Variants in NWD2 observed in about 807,000 individuals in gnomAD.
NWD2 encodes the protein NACHT and WD repeat domain-containing protein 2.
In NWD2, 37 loss-of-function variants were observed where a neutral mutation model predicts 132.7. That is an observed-to-expected ratio of 0.28 (90% CI 0.21 to 0.37). The LOEUF (loss-of-function observed/expected upper bound fraction) is 0.37, where lower values mean the gene tolerates loss of function less well. Ranked by LOEUF, NWD2 falls within the 10% of genes least tolerant of loss-of-function variation. The pLI, the probability that NWD2 is intolerant of heterozygous loss-of-function variation, is 1.00. For missense variants in NWD2, 1,592 were observed against 2,122.4 expected, an observed-to-expected ratio of 0.75 and a Z score of 4.91; for synonymous variants, 705 against 803.0, an observed-to-expected ratio of 0.88 and a Z score of 2.06.
intron 2 of NWD2, among the ~76,000 whole-genome samples, chr4:37,343,278 C>A (rs1215340136): frequency 6.6e-6 from 1 of 152,176 alleles, no homozygotes; most frequent in Non-Finnish European, 1.5e-5. Flanking sequence ...ACTGTATTGA[C>A]CTTAGAAAGC....
chr4:37,306,562 A>G (rs1462778729), intron 1 of NWD2, among the ~76,000 whole-genome samples: 2 of 152,116 alleles, frequency 1.3e-5, no homozygotes, highest in African/African-American at 4.8e-5. Context: ...TCCTTTACCC[A>G]TTCAGGAGCA....
intron 3 of NWD2, among the ~76,000 whole-genome samples, chr4:37,393,526 A>G (rs17421729): frequency 0.15 from 23,344 of 152,238 alleles, 2,275 homozygotes; most frequent in Non-Finnish European, 0.2. Flanking sequence ...AAGATGGTCC[A>G]GACATACTAG....
At chr4:37,422,702 T>A (rs17421931) in intron 3 of NWD2, among the ~76,000 whole-genome samples, 3,688 of 152,330 alleles carry the variant, frequency 0.024, 58 homozygotes, top group Middle Eastern at 0.058. Context: ...TTGATTCTCA[T>A]GATGCACCAG....
chr4:37,444,397 G>A lies in NWD2; in HGVS notation c.2409G>A (p.Gln803=). 6.4e-7 allele frequency: 1 copy of A among 1,552,166 alleles called. No homozygotes were observed. Among genetic ancestry groups the A allele is most frequent in the Non-Finnish European group, 8.7e-7 (1 of 1,147,118 alleles). Residue 803 remains glutamine, a synonymous_variant, in exon 7 of 7, where the codon CAG becomes CAA. Transcript: ENST00000309447. This position sits in a 1 kb window ranked among gnomAD's most constrained non-coding sequence, Gnocchi z 4.8. ...AGGAAGAAAAGCACTTCATGGAACA[G>A]GCTTCCTTTGACAGGCAGGCTCCAG... is the stretch of plus-strand genomic sequence containing the variant. The part of the protein sequence containing the change: ...LLEEEKHFME[Q]ASFDRQAPDQ...
intron 1 of NWD2, among the ~76,000 whole-genome samples, chr4:37,278,045 T>C (rs1200950562): frequency 6.6e-6 from 1 of 152,156 alleles, no homozygotes; most frequent in East Asian, 1.9e-4. Flanking sequence ...CTCATATGTC[T>C]GTGTAGTTTG....
At chr4:37,311,763 T>A (rs1174890072) in intron 1 of NWD2, among the ~76,000 whole-genome samples, 1 of 148,890 alleles carries the variant, frequency 6.7e-6, no homozygotes, top group Non-Finnish European at 1.5e-5. Flanking sequence ...TGGTTTTAGG[T>A]CTAACATTTA....
At chr4:37,373,101 A>C (rs868610477) in intron 3 of NWD2, among the ~76,000 whole-genome samples, 1 of 152,238 alleles carries the variant, frequency 6.6e-6, no homozygotes, top group African/African-American at 2.4e-5. Context: ...TGCATTATGC[A>C]TGTGCCAGGT....
chr4:37,343,426 G>A (rs1316347828), intron 2 of NWD2, among the ~76,000 whole-genome samples: 1 of 152,122 alleles, frequency 6.6e-6, no homozygotes, highest in East Asian at 1.9e-4. Flanking sequence ...AGAGCTACAG[G>A]TCTTTTAAAA....
Position 37,405,469 on chromosome 4 carries a change from T to C in NWD2, c.358-25103T>C, listed in dbSNP as rs1198266960. Among the ~76,000 whole-genome samples the C allele has an allele frequency of 7.1e-5, 9 of 127,060 alleles. 1 individual carries two copies. Among genetic ancestry groups the C allele is most frequent in the Admixed American group, 3.3e-4 (4 of 12,106 alleles). The allele number at this position is 127,060 out of a possible 152,430, so 83.4% of individuals were successfully genotyped here. A position where few individuals can be genotyped will look rare whatever the true frequency, so the allele number is the denominator to read the frequency against. On this transcript the variant is annotated intron_variant, in intron 3 of 6. Transcript: ENST00000309447. ...TAGAATAGAATAGAATAGAATAGAA[T>C]AGAATAGAATAGAATAGAATAGAAA...
Position 37,445,063 on chromosome 4 carries a change from G to A in NWD2, c.3075G>A (p.Val1025=). ...MKLTSDEKYL[V]VATTNNTLLI... is the part of the protein sequence containing the mutation. Reference sequence around the variant, plus strand: ...TCACCAGTGATGAAAAGTACCTTGTGGTGGCTACAACAAATAACACCTTGT... The same window carrying A: ...TCACCAGTGATGAAAAGTACCTTGTAGTGGCTACAACAAATAACACCTTGT... Residue 1025 remains valine (V), a synonymous_variant, in exon 7 of 7, where the codon GTG becomes GTA. Transcript: ENST00000309447. The surrounding 1 kb of genome is among the most constrained non-coding windows in gnomAD (Gnocchi z 4.7). The A allele has an allele frequency of 6.4e-7, 1 of 1,551,786 alleles. No homozygotes were observed. The highest frequency in any genetic ancestry group is 2.4e-5 in the East Asian group (1 of 40,910).
intron 1 of NWD2, among the ~76,000 whole-genome samples, chr4:37,281,470 G>A (rs1045789138): frequency 5.9e-5 from 9 of 152,104 alleles, no homozygotes; most frequent in African/African-American, 1.9e-4. Flanking sequence ...AGATCCTTAA[G>A]CCATGTCTCT....
intron 1 of NWD2, among the ~76,000 whole-genome samples, chr4:37,296,744 T>C (rs1417721565): frequency 6.6e-6 from 1 of 152,134 alleles, no homozygotes; most frequent in Non-Finnish European, 1.5e-5. Context: ...GTACAATGTA[T>C]ACTACTTGGG....
intron 3 of NWD2, among the ~76,000 whole-genome samples, chr4:37,378,068 C>T (rs915080230): frequency 1.3e-5 from 2 of 152,024 alleles, no homozygotes; most frequent in Non-Finnish European, 2.9e-5. Context: ...GTTAGAACTT[C>T]TTATAATTAA....
chr4:37,256,588 A>G lies in NWD2; in HGVS notation c.151+11370A>G, dbSNP rs550447332. Among the ~76,000 whole-genome samples the G allele has an allele frequency of 1.2e-4, 19 of 152,336 alleles. 1 individual carries two copies. The highest frequency in any genetic ancestry group is 4.1e-4 in the African/African-American group (17 of 41,580). The stretch of plus-strand genomic sequence containing the variant: ...AAGGCACTGTGTGATAAGGAAAGTT[A>G]ACCACAGTTATCAAATGCTTAAAAA... On this transcript the variant is annotated intron_variant, in intron 1 of 6. Transcript: ENST00000309447.
rs1384722965 is a variant in NWD2, at chr4:37,342,460, CA to C, written c.241-13904del. On this transcript the variant is annotated intron_variant, in intron 2 of 6. Transcript: ENST00000309447. ...CCCAGTCTCAGGTATTCCTTTATAG[CA>C]ACACAGAACAGACTGACAAAGGCGT... Among the ~76,000 whole-genome samples, 6 of 152,140 alleles carry C rather than the reference CA, an allele frequency of 3.9e-5. No homozygotes were observed. In the East Asian group the frequency reaches 1.2e-3, roughly 29 times the overall value.
intron 3 of NWD2, among the ~76,000 whole-genome samples, chr4:37,401,744 C>T (rs1444996127): frequency 6.6e-6 from 1 of 152,184 alleles, no homozygotes; most frequent in Non-Finnish European, 1.5e-5. Flanking sequence ...CAAGTATCTT[C>T]TGCACACCTT....
At chr4:37,274,039 AC>A (rs1340826469) in intron 1 of NWD2, among the ~76,000 whole-genome samples, 5 of 152,164 alleles carry the variant, frequency 3.3e-5, no homozygotes. Context: ...GCAAGAGCAA[AC>A]ACATTCAAAA....
At chr4:37,285,032 G>GT (rs968581819) in intron 1 of NWD2, among the ~76,000 whole-genome samples, 9 of 151,654 alleles carry the variant, frequency 5.9e-5, no homozygotes, top group East Asian at 1.9e-4. Context: ...GTAGGGATGA[G>GT]TTTTTTTTTA....
intron 3 of NWD2, among the ~76,000 whole-genome samples, chr4:37,371,866 T>C (rs1354948940): frequency 1.3e-5 from 2 of 152,232 alleles, no homozygotes; most frequent in Admixed American, 6.5e-5. Flanking sequence ...GCAAACTTTT[T>C]ATATTTTAAC....
Sources: allele counts gnomAD v4.1 joint callset (sites outside exome capture counted in the v4.1 genomes callset), GRCh38; gene constraint gnomAD v4.1.1; non-coding constraint Gnocchi (gnomAD v3.1); transcripts MANE v1.5; gene names NCBI Gene and HGNC (gene_info 2026-07-23, HGNC 2026-07-21).